The following NUP58 variants were observed in gnomAD, a reference collection of about 807,000 sequenced individuals.
NUP58 encodes the protein nucleoporin p58/p45.
NUP58 carries 17 observed loss-of-function variants against 70.1 expected under a neutral mutation model. The ratio of observed to expected loss-of-function variants is 0.24; its 90% CI spans 0.17 to 0.36. The LOEUF is 0.36. Ranked by LOEUF, NUP58 falls within the 10% of genes least tolerant of loss-of-function variation. The pLI is 1.00. For missense variants in NUP58, 644 were observed against 701.5 expected (o/e 0.92, Z 0.93); for synonymous variants, 275 against 257.6 (o/e 1.07, Z -0.65).
rs532166098 is a variant in NUP58, at chr13:25,309,946, C to T, written c.286+664C>T. 5.6e-5 allele frequency: 18 copies of T among 320,526 alleles called. No individual in the cohort carries two copies. The East Asian group carries it at 2.1e-3, about 37-fold the overall frequency. 19.9% of individuals were successfully genotyped at this position (320,526 alleles called of 1,614,324 possible). A position where few individuals can be genotyped will look rare whatever the true frequency, so the allele number is the denominator to read the frequency against. ...AGACTTTCTTCATTTGGATGCTACA[C>T]CTGTTATTAACAGAAAACAACACAT... is the stretch of plus-strand genomic sequence containing the variant. On this transcript the variant is annotated intron_variant, in intron 3 of 15. Coordinates refer to ENST00000381736, the MANE Select transcript of NUP58 (RefSeq NM_014089.4).
intron 2 of NUP58, among the ~76,000 whole-genome samples, chr13:25,308,469 ATTTT>A (rs35470592): frequency 1.5e-5 from 2 of 137,810 alleles, no homozygotes; most frequent in African/African-American, 2.7e-5. Flanking sequence ...CGCCTGGCTA[ATTTT>A]TTTTTTTTTT....
chr13:25,302,003 G>A, intron 1 of NUP58, 123 bp downstream of exon 1: 3 of 671,970 alleles, frequency 4.5e-6, no homozygotes, highest in South Asian at 2.0e-5. Context: ...CTGGAGAGAA[G>A]CACTTAATCT....
chr13:25,339,309 A>G (rs1249582494), intron 15 of NUP58, among the ~76,000 whole-genome samples: 2 of 152,182 alleles, frequency 1.3e-5, no homozygotes, highest in Non-Finnish European at 2.9e-5. Context: ...ATCTAATGTA[A>G]TGACATAATA....
At chr13:25,348,037 T>C (rs1487400183) in intron 3 of NUP58, among the ~76,000 whole-genome samples, 3 of 152,184 alleles carry the variant, frequency 2.0e-5, no homozygotes, top group Admixed American at 6.5e-5. Flanking sequence ...CGTTCTCCCT[T>C]GGTTGAGAAG....
intron 6 of NUP58, among the ~76,000 whole-genome samples, chr13:25,318,699 G>A (rs183584618): frequency 1.3e-5 from 2 of 152,206 alleles, no homozygotes; most frequent in Non-Finnish European, 2.9e-5. Context: ...ATTATGAAGT[G>A]GCATTTTTCA....
chr13:25,302,655 T>A (rs919146484), intron 1 of NUP58, among the ~76,000 whole-genome samples: 1 of 152,206 alleles, frequency 6.6e-6, no homozygotes, highest in Non-Finnish European at 1.5e-5. Flanking sequence ...CAATTTTTTT[T>A]AAGATAAAGG....
At chr13:25,336,881 GAGTA>G in intron 13 of NUP58, 51 bp from the exon 14 acceptor site, 4 of 1,086,372 alleles carry the variant, frequency 3.7e-6, no homozygotes, top group Non-Finnish European at 5.3e-6. Flanking sequence ...AATCTTGAAA[GAGTA>G]AGGCAAATTT....
At chr13:25,305,159 T>G (rs1392234854) in intron 1 of NUP58, among the ~76,000 whole-genome samples, 1 of 138,788 alleles carries the variant, frequency 7.2e-6, no homozygotes, top group African/African-American at 3.2e-5. Context: ...TTTTTTTTTT[T>G]TTGAGACAGG....
At chr13:25,320,626 A>T in intron 8 of NUP58, 31 bp downstream of exon 8, 1 of 1,475,622 alleles carries the variant, frequency 6.8e-7, no homozygotes, top group Non-Finnish European at 9.4e-7. Context: ...GATAAATAAC[A>T]CTTGAAGAAT....
chr13:25,315,466 GAGTA>G lies in NUP58; in HGVS notation c.685+5_685+8del. The G allele has an allele frequency of 6.3e-7, 1 of 1,596,034 alleles. No individual in the cohort carries two copies. The highest frequency in any genetic ancestry group is 8.6e-7 in the Non-Finnish European group (1 of 1,164,186). ...ATTTCAGTAGCTCCTCAGATAAAAAGAGTAAGTAATGCTGTTGTAACTTTATGTT... is the reference window on the plus strand; with the variant it reads ...ATTTCAGTAGCTCCTCAGATAAAAAGAGTAATGCTGTTGTAACTTTATGTT... On this transcript the variant is annotated splice_donor_variant and splice_donor_region_variant and coding_sequence_variant and intron_variant, in exon 6 of 16. Transcript: ENST00000381736. LOFTEE classifies it high-confidence loss of function.
intron 1 of NUP58, among the ~76,000 whole-genome samples, chr13:25,306,114 A>G (rs2030341993): frequency 2.0e-5 from 3 of 152,116 alleles, no homozygotes; most frequent in Admixed American, 2.0e-4. Context: ...ATTTAAAAAA[A>G]AATTCTGCTG....
chr13:25,344,878 T>C (rs2032030563), downstream of NUP58, among the ~76,000 whole-genome samples: 1 of 152,214 alleles, frequency 6.6e-6, no homozygotes, highest in Non-Finnish European at 1.5e-5. Flanking sequence ...TCCGAGTTAA[T>C]GTCCTACCTT....
At chr13:25,330,388 C>T (rs1360220973) in intron 12 of NUP58, among the ~76,000 whole-genome samples, 2 of 152,106 alleles carry the variant, frequency 1.3e-5, no homozygotes, top group Non-Finnish European at 2.9e-5. Context: ...ATTGGAACAT[C>T]AAACACTGAC....
At chr13:25,309,160 G>A in intron 2 of NUP58, 87 bp from the exon 3 acceptor site, 2 of 964,428 alleles carry the variant, frequency 2.1e-6, no homozygotes, top group Non-Finnish European at 3.3e-6. Context: ...CCCTGAGGGT[G>A]ATTTTAAGTC....
chr13:25,330,261 C>T lies in NUP58; in HGVS notation c.1234-1096C>T, dbSNP rs142759463. ...AAGGAAGGGTGGATTTGCAAGAGAT[C>T]GGTAGTGCTTGTTTTTCTTACATCA... is the stretch of plus-strand genomic sequence containing the variant. On this transcript the variant is annotated intron_variant, in intron 12 of 15. Transcript: ENST00000381736. Among the ~76,000 whole-genome samples, 83 of 152,272 alleles carry T rather than the reference C, an allele frequency of 5.5e-4. 1 individual carries two copies. Among genetic ancestry groups the T allele is most frequent in the African/African-American group, 1.8e-3 (75 of 41,556 alleles).
chr13:25,327,378 T>A, intron 11 of NUP58, 52 bp from the exon 12 acceptor site: 1 of 1,159,530 alleles, frequency 8.6e-7, no homozygotes, highest in Non-Finnish European at 1.2e-6. Context: ...ATAAAATGGA[T>A]TGTGCTATAT....
chr13:25,312,824 C>G, intron 3 of NUP58, 59 bp from the exon 4 acceptor site: 11 of 1,498,594 alleles, frequency 7.3e-6, no homozygotes, highest in Non-Finnish European at 9.9e-6. Context: ...TATAATAGAA[C>G]ACTTACAGGT....
chr13:25,306,901 T>C (rs2030389422), intron 1 of NUP58, among the ~76,000 whole-genome samples: 1 of 152,168 alleles, frequency 6.6e-6, no homozygotes, highest in African/African-American at 2.4e-5. Context: ...TACATGATCC[T>C]GAGACAGGGT....
intron 14 of NUP58, 46 bp from the exon 15 acceptor site, chr13:25,338,590 T>C (rs1037003492): frequency 7.3e-7 from 1 of 1,373,764 alleles, no homozygotes; most frequent in Non-Finnish European, 1.0e-6. Flanking sequence ...TCCTTTAACC[T>C]GTGTTTTATG....
Sources: allele counts gnomAD v4.1 joint callset (sites outside exome capture counted in the v4.1 genomes callset), GRCh38; gene constraint gnomAD v4.1.1; transcripts MANE v1.5; gene names NCBI Gene and HGNC (gene_info 2026-07-23, HGNC 2026-07-21).